The following GNAL variants were observed in gnomAD, a reference collection of about 807,000 sequenced individuals.
The protein encoded by GNAL is guanine nucleotide-binding protein G(olf) subunit alpha.
GNAL carries 18 observed loss-of-function variants against 55.1 expected under a neutral mutation model. The observed-to-expected ratio is 0.33, with a 90% CI of 0.23 to 0.48. The LOEUF (loss-of-function observed/expected upper bound fraction) is 0.48. Ranked by LOEUF, GNAL falls within the 20% of genes least tolerant of loss-of-function variation. GNAL has a pLI of 0.99. For synonymous variants in GNAL, 253 were observed against 237.0 expected (o/e 1.07, Z -0.62); for missense variants, 412 against 614.1 (o/e 0.67, Z 3.48).
chr18:11,866,609 G>T lies in GNAL; in HGVS notation c.852-559G>T, dbSNP rs551966006. The stretch of plus-strand genomic sequence containing the variant: ...GCGAGACCGGGAAGCAGCTCGGGCT[G>T]GGCAGAGCAGCCTGCACTGAATCCA... On this transcript the variant is annotated intron_variant, in intron 7 of 11. Transcript: ENST00000334049. Among the ~76,000 whole-genome samples the T allele has an allele frequency of 2.9e-4, 44 of 150,466 alleles. 8 individuals carry two copies. The highest frequency in any genetic ancestry group is 1.1e-3 in the African/African-American group (43 of 39,770).
intron 5 of GNAL, among the ~76,000 whole-genome samples, chr18:11,828,661 T>TTA (rs2035308162): frequency 6.8e-6 from 1 of 146,588 alleles, no homozygotes; most frequent in Non-Finnish European, 1.5e-5. Flanking sequence ...TTTTCTGTTG[T>TTA]AAAAAAAAAA....
In GNAL at chr18:11,732,434, C is replaced by A. The variant is rs545463141; in HGVS notation, c.377-20419C>A. Reference sequence around the variant, plus strand: ...TTCCTTAATTAATAATGTTGAGTATCATTTCTTATGCAAATTGGTTATTTG... The same window carrying A: ...TTCCTTAATTAATAATGTTGAGTATAATTTCTTATGCAAATTGGTTATTTG... On this transcript the variant is annotated intron_variant, in intron 1 of 11. Coordinates refer to ENST00000334049, the MANE Select transcript of GNAL (RefSeq NM_182978.4). Among the ~76,000 whole-genome samples the A allele has an allele frequency of 1.5e-4, 23 of 151,970 alleles. No individual in the cohort carries two copies. In the South Asian group the frequency reaches 4.8e-3, roughly 31 times the overall value.
chr18:11,711,291 CT>C (rs1253916948), intron 1 of GNAL, among the ~76,000 whole-genome samples: 2 of 152,122 alleles, frequency 1.3e-5, no homozygotes, highest in Non-Finnish European at 2.9e-5. Context: ...TTTTAATAAG[CT>C]TTCTTCCTCA....
In GNAL at chr18:11,751,668, C is replaced by T. The variant is rs1324839567; in HGVS notation, c.377-1185C>T. 3 of 985,248 alleles carry T rather than the reference C, an allele frequency of 3.0e-6. No homozygotes were observed. Among genetic ancestry groups the T allele is most frequent in the East Asian group, 1.1e-4 (1 of 8,802 alleles). 61.0% of individuals were successfully genotyped at this position (985,248 alleles called of 1,614,324 possible). ...AGAGAGCCAGGCGGCCGCGGCGCAG[C>T]GGAGGGGCTGCGGGCCCGGAACCCA... On this transcript the variant is annotated intron_variant, in intron 1 of 11. Coordinates refer to ENST00000334049, the MANE Select transcript of GNAL (RefSeq NM_182978.4). This position sits in a 1 kb window ranked among gnomAD's most constrained non-coding sequence, Gnocchi z 4.5.
intron 5 of GNAL, among the ~76,000 whole-genome samples, chr18:11,849,818 A>G (rs1399097783): frequency 6.6e-6 from 1 of 152,220 alleles, no homozygotes; most frequent in Non-Finnish European, 1.5e-5. Flanking sequence ...TCCCCTCTGA[A>G]ATACAATTAA....
chr18:11,730,599 A>T (rs555930281), intron 1 of GNAL, among the ~76,000 whole-genome samples: 1 of 151,990 alleles, frequency 6.6e-6, no homozygotes, highest in East Asian at 2.0e-4. Context: ...CCCCATCTCT[A>T]CTAAAAATAC....
intron 1 of GNAL, among the ~76,000 whole-genome samples, chr18:11,698,662 C>T (rs552367737): frequency 6.6e-6 from 1 of 152,196 alleles, no homozygotes; most frequent in African/African-American, 2.4e-5. Flanking sequence ...GGTGTGCCCA[C>T]TCCTGCACCT....
chr18:11,884,259 A>ACTT lies in GNAL; in HGVS notation c.*3125_*3127dup, dbSNP rs2036848261. ...CAGATTTGTTGTAGAGTACCTGTCC[A>ACTT]CTTTTATAGCATGAGAACAGTACAA... On this transcript the variant is annotated 3_prime_UTR_variant, in exon 12 of 12. Coordinates refer to ENST00000334049, the MANE Select transcript of GNAL (RefSeq NM_182978.4). 1 of 594,430 alleles carries ACTT rather than the reference A, an allele frequency of 1.7e-6. No individual in the cohort carries two copies. 36.8% of individuals were successfully genotyped at this position (594,430 alleles called of 1,614,324 possible). A position where few individuals can be genotyped will look rare whatever the true frequency, so the allele number is the denominator to read the frequency against.
chr18:11,693,598 C>G (rs932845378), intron 1 of GNAL, among the ~76,000 whole-genome samples: 1 of 152,202 alleles, frequency 6.6e-6, no homozygotes, highest in Non-Finnish European at 1.5e-5. Context: ...CAGATAATTA[C>G]TTATGCTGCC....
chr18:11,719,643 G>A (rs533509851), intron 1 of GNAL, among the ~76,000 whole-genome samples: 1 of 152,324 alleles, frequency 6.6e-6, no homozygotes, highest in African/African-American at 2.4e-5. Flanking sequence ...TAGTTGGGTT[G>A]TAGCTTTTGG....
intron 4 of GNAL, among the ~76,000 whole-genome samples, chr18:11,783,288 T>C (rs936455508): frequency 4.6e-5 from 7 of 152,366 alleles, no homozygotes; most frequent in Admixed American, 4.6e-4. Flanking sequence ...TGCCTCTGTG[T>C]GCGTCAGCTT....
intron 4 of GNAL, among the ~76,000 whole-genome samples, chr18:11,766,444 G>GC (rs2033408549): frequency 6.6e-6 from 1 of 152,180 alleles, no homozygotes; most frequent in Non-Finnish European, 1.5e-5. Context: ...ATATAAAGGA[G>GC]CAGGGAGGGA....
chr18:11,845,574 CG>C (rs1167277863), intron 5 of GNAL, among the ~76,000 whole-genome samples: 1 of 152,018 alleles, frequency 6.6e-6, no homozygotes, highest in Non-Finnish European at 1.5e-5. Context: ...TGAGTTTGTA[CG>C]TTAGTTTGTA....
Position 11,882,322 on chromosome 18 carries a change from A to C in GNAL, c.*1187A>C, listed in dbSNP as rs896911760. 1 of 152,204 alleles carries C rather than the reference A, an allele frequency of 6.6e-6. No individual in the cohort carries two copies. The highest frequency in any genetic ancestry group is 1.5e-5 in the Non-Finnish European group (1 of 68,040). 9.4% of individuals were successfully genotyped at this position (152,204 alleles called of 1,614,324 possible). On this transcript the variant is annotated 3_prime_UTR_variant, in exon 12 of 12. Coordinates refer to ENST00000334049, the MANE Select transcript of GNAL (RefSeq NM_182978.4). ...ACTTCTTCAAGTTCCCCAAGTGGGA[A>C]CAGGTCCATCATTCCCTTAGTCAAA...
Position 11,868,879 on chromosome 18 carries a change from T to C in GNAL, c.1031+216T>C, listed in dbSNP as rs1479151182. On this transcript the variant is annotated intron_variant, in intron 9 of 11. Transcript: ENST00000334049. The surrounding 1 kb of genome is among the most constrained non-coding windows in gnomAD (Gnocchi z 4.0). ...TACAAAAATTAGCCAGGTGTGGTGG[T>C]GCACACCTGCCCAGTGACTCAGGAG... 6.6e-6 allele frequency among the ~76,000 whole-genome samples: 1 copy of C among 151,888 alleles called. No individual in the cohort carries two copies. The highest frequency in any genetic ancestry group is 1.5e-5 in the Non-Finnish European group (1 of 67,980).
chr18:11,796,201 T>TGTG (rs1345692333), intron 4 of GNAL, among the ~76,000 whole-genome samples: 1 of 152,124 alleles, frequency 6.6e-6, no homozygotes, highest in Non-Finnish European at 1.5e-5. Context: ...ACCAACAATG[T>TGTG]GTGGTTTAAT....
chr18:11,879,888 ACTG>A (rs1426544029), intron 11 of GNAL, among the ~76,000 whole-genome samples: 7 of 147,084 alleles, frequency 4.8e-5, no homozygotes, highest in African/African-American at 1.9e-4. Context: ...CAGATGCTAA[ACTG>A]CCCCTGTGTG....
chr18:11,818,579 C>T (rs949358860), intron 4 of GNAL, among the ~76,000 whole-genome samples: 2 of 152,110 alleles, frequency 1.3e-5, no homozygotes, highest in East Asian at 1.9e-4. Context: ...CACAAAGTTA[C>T]AATACAAGTT....
At chr18:11,730,834 G>T (rs760953782) in intron 1 of GNAL, among the ~76,000 whole-genome samples, 1 of 152,106 alleles carries the variant, frequency 6.6e-6, no homozygotes, top group Non-Finnish European at 1.5e-5. Flanking sequence ...TAAGGGGGTC[G>T]GCTATCTGTC....
Sources: gnomAD v4.1 joint callset for allele counts (sites outside exome capture counted in the v4.1 genomes callset) on GRCh38, gnomAD v4.1.1 for gene constraint, Gnocchi (gnomAD v3.1) non-coding constraint, MANE v1.5 for transcripts, NCBI Gene and HGNC (gene_info 2026-07-23, HGNC 2026-07-21) for gene names.